The following RTN1 variants were observed in gnomAD, a reference collection of about 807,000 sequenced individuals.
The protein encoded by RTN1 is reticulon-1.
In RTN1, 25 loss-of-function variants were observed where a neutral mutation model predicts 65.5. That is an observed-to-expected ratio of 0.38 (90% CI 0.28 to 0.53). The LOEUF is 0.53. Ranked by LOEUF, RTN1 falls within the 20% of genes least tolerant of loss-of-function variation. RTN1 has a pLI of 0.79. For missense variants in RTN1, 983 were observed against 1,025.4 expected (o/e 0.96, Z 0.57); for synonymous variants, 471 against 447.6 (o/e 1.05, Z -0.66).
At position 59,733,877 on chromosome 14, in the gene RTN1, A is replaced by G. The variant is rs193145857; in HGVS notation, c.1016-6209T>C. Among the ~76,000 whole-genome samples, 22 of 152,216 alleles carry G rather than the reference A, an allele frequency of 1.4e-4. 1 individual carries two copies. The East Asian group carries it at 1.7e-3, about 12-fold the overall frequency. On this transcript the variant is annotated intron_variant, in intron 2 of 8. Coordinates refer to ENST00000267484, the MANE Select transcript of RTN1 (RefSeq NM_021136.3). Reference sequence around the variant, plus strand: ...CCAACACAGCACAGCTGCCCTACCAAAAAGCAGCCAGACTGCTTCTTTAAG... The same window carrying G: ...CCAACACAGCACAGCTGCCCTACCAGAAAGCAGCCAGACTGCTTCTTTAAG...
chr14:59,851,855 CAA>C (rs5809049), intron 1 of RTN1, among the ~76,000 whole-genome samples: 3,563 of 88,102 alleles, frequency 0.04, 170 homozygotes, highest in East Asian at 0.27. Context: ...GACACAGTCT[CAA>C]AAAAAAAAAA....
At chr14:59,839,757 A>G (rs1256691068) in intron 1 of RTN1, among the ~76,000 whole-genome samples, 3 of 152,270 alleles carry the variant, frequency 2.0e-5, no homozygotes, top group South Asian at 2.1e-4. Context: ...AAATTGACCC[A>G]TAGAGATAAC....
chr14:59,764,972 T>C (rs1885822397), intron 1 of RTN1, among the ~76,000 whole-genome samples: 1 of 152,228 alleles, frequency 6.6e-6, no homozygotes, highest in Non-Finnish European at 1.5e-5. Context: ...ACTGCTGCTA[T>C]GAACATCTTT....
chr14:59,859,481 G>A (rs1409142596), intron 1 of RTN1, among the ~76,000 whole-genome samples: 1 of 152,188 alleles, frequency 6.6e-6, no homozygotes, highest in Non-Finnish European at 1.5e-5. Context: ...TCTCAGGTAT[G>A]TCTTTATCAG....
At chr14:59,680,855 T>A (rs889633216) in intron 3 of RTN1, among the ~76,000 whole-genome samples, 10 of 152,178 alleles carry the variant, frequency 6.6e-5, no homozygotes, top group Non-Finnish European at 1.3e-4. Context: ...TATGCTGTCA[T>A]GAAAAACCAT....
chr14:59,837,794 T>C (rs1887239045), intron 1 of RTN1, among the ~76,000 whole-genome samples: 2 of 152,120 alleles, frequency 1.3e-5, no homozygotes, highest in Admixed American at 1.3e-4. Flanking sequence ...CTGCTGGAAA[T>C]ACATATCAGG....
intron 1 of RTN1, among the ~76,000 whole-genome samples, chr14:59,750,111 T>TAG (rs377020348): frequency 0.33 from 20,934 of 63,330 alleles, 4,083 homozygotes; most frequent in African/African-American, 0.56. Flanking sequence ...TTATATATTA[T>TAG]ATATAATATA....
intron 3 of RTN1, among the ~76,000 whole-genome samples, chr14:59,649,278 A>T (rs1009137349): frequency 6.6e-6 from 1 of 152,222 alleles, no homozygotes; most frequent in African/African-American, 2.4e-5. Context: ...TGAAGACTTA[A>T]AAGTAAGACC....
chr14:59,835,945 C>T (rs1212193524), intron 1 of RTN1, among the ~76,000 whole-genome samples: 4 of 152,182 alleles, frequency 2.6e-5, no homozygotes, highest in Admixed American at 2.0e-4. Flanking sequence ...ATTAAGGTGT[C>T]GACAGGGTTG....
At chr14:59,755,792 G>T (rs549506697) in intron 1 of RTN1, among the ~76,000 whole-genome samples, 3 of 152,240 alleles carry the variant, frequency 2.0e-5, no homozygotes, top group African/African-American at 7.2e-5. Flanking sequence ...AGTTTTATCT[G>T]TATGGTTAGT....
At chr14:59,723,083 C>T (rs771356262) in intron 3 of RTN1, among the ~76,000 whole-genome samples, 1 of 151,978 alleles carries the variant, frequency 6.6e-6, no homozygotes, top group Non-Finnish European at 1.5e-5. Flanking sequence ...CAGGTGTGGG[C>T]CACCATGCCC....
At chr14:59,661,623 T>C (rs1185538199) in intron 3 of RTN1, among the ~76,000 whole-genome samples, 2 of 152,016 alleles carry the variant, frequency 1.3e-5, no homozygotes, top group African/African-American at 4.8e-5. Flanking sequence ...ATGTAATCCA[T>C]CACATAAACA....
intron 1 of RTN1, among the ~76,000 whole-genome samples, chr14:59,835,508 A>G (rs1244098282): frequency 6.6e-6 from 1 of 152,196 alleles, no homozygotes; most frequent in Non-Finnish European, 1.5e-5. Context: ...AATTTCATTC[A>G]TTTATTCAGC....
chr14:59,777,846 A>AAC (rs36006273), intron 1 of RTN1, among the ~76,000 whole-genome samples: 3,979 of 150,100 alleles, frequency 0.027, 56 homozygotes, highest in South Asian at 0.045. Context: ...AAAACAACAA[A>AAC]ACACACACAC....
chr14:59,833,415 T>C (rs1470168602), intron 1 of RTN1, among the ~76,000 whole-genome samples: 3 of 152,210 alleles, frequency 2.0e-5, no homozygotes, highest in African/African-American at 7.2e-5. Context: ...TGTCTCATGG[T>C]GATTGACAAA....
chr14:59,763,637 A>G (rs1358665868), intron 1 of RTN1, among the ~76,000 whole-genome samples: 2 of 145,894 alleles, frequency 1.4e-5, no homozygotes, highest in East Asian at 2.0e-4. Flanking sequence ...GGTTCATGCC[A>G]TTCTCCTGCC....
In RTN1 at chr14:59,702,213, C is replaced by T. The variant is rs936232451; in HGVS notation, c.1765+24706G>A. On this transcript the variant is annotated intron_variant, in intron 3 of 8. Transcript: ENST00000267484. ...TAAATAAGGGCCTTTAATTGCCTTCCCAGAGTGCTGCCGTGCACTGGAAAG... is the reference window on the plus strand; with the variant it reads ...TAAATAAGGGCCTTTAATTGCCTTCTCAGAGTGCTGCCGTGCACTGGAAAG... 5.3e-5 allele frequency among the ~76,000 whole-genome samples: 8 copies of T among 152,184 alleles called. No homozygotes were observed. In the South Asian group the frequency reaches 1.5e-3, roughly 28 times the overall value.
intron 8 of RTN1, among the ~76,000 whole-genome samples, chr14:59,600,665 T>A (rs930008694): frequency 6.6e-6 from 1 of 152,182 alleles, no homozygotes; most frequent in Non-Finnish European, 1.5e-5. Flanking sequence ...TGTTGTTTCC[T>A]CCTCTCTGAT....
intron 1 of RTN1, among the ~76,000 whole-genome samples, chr14:59,786,493 G>A (rs941289628): frequency 6.6e-6 from 1 of 152,128 alleles, no homozygotes; most frequent in Non-Finnish European, 1.5e-5. Context: ...CATGGCTCAT[G>A]GACACCCAGT....
Sources: gnomAD v4.1 joint callset for allele counts (sites outside exome capture counted in the v4.1 genomes callset) on GRCh38, gnomAD v4.1.1 for gene constraint, MANE v1.5 for transcripts, NCBI Gene and HGNC (gene_info 2026-07-23, HGNC 2026-07-21) for gene names.